The following CPNE4 variants were observed in gnomAD, a reference collection of about 807,000 sequenced individuals.
CPNE4 encodes the protein copine 4, also known as copine-4.
A neutral mutation model predicts 67.9 loss-of-function variants in CPNE4; 25 were observed. The ratio of observed to expected loss-of-function variants is 0.37; its 90% CI spans 0.27 to 0.51. The LOEUF is 0.51. Ranked by LOEUF, CPNE4 falls within the 20% of genes least tolerant of loss-of-function variation. CPNE4 has a pLI of 0.93. For missense variants in CPNE4, 464 were observed against 690.8 expected (o/e 0.67, Z 3.68); for synonymous variants, 242 against 244.9 (o/e 0.99, Z 0.11).
chr3:132,033,815 A>G (rs1366723394), intron 1 of CPNE4, among the ~76,000 whole-genome samples: 2 of 152,008 alleles, frequency 1.3e-5, no homozygotes, highest in African/African-American at 2.4e-5. Context: ...AATTATCTCC[A>G]TTGGATTCAG....
Position 131,620,941 on chromosome 3 carries a change from G to A in CPNE4, c.682-33359C>T, listed in dbSNP as rs554774802. Among the ~76,000 whole-genome samples, 567 of 152,240 alleles carry A rather than the reference G, an allele frequency of 3.7e-3. 3 individuals are homozygous for A. Among genetic ancestry groups the A allele is most frequent in the African/African-American group, 0.012 (518 of 41,536 alleles). ...TTCATTGCTTTAAGCCACCAATTTT[G>A]TGGTAATTTTGTTACAGTAGCAATA... On this transcript the variant is annotated intron_variant, in intron 7 of 15. Transcript: ENST00000429747.
intron 1 of CPNE4, among the ~76,000 whole-genome samples, chr3:131,945,512 T>C (rs1286143408): frequency 6.6e-6 from 1 of 152,180 alleles, no homozygotes; most frequent in Non-Finnish European, 1.5e-5. Flanking sequence ...AGAACTCCTT[T>C]GATGAGCAGT....
At chr3:132,006,179 C>A (rs994909273) in intron 1 of CPNE4, among the ~76,000 whole-genome samples, 1 of 152,012 alleles carries the variant, frequency 6.6e-6, no homozygotes, top group Non-Finnish European at 1.5e-5. Flanking sequence ...AGGAAAGTGG[C>A]CCCTCACTGA....
intron 2 of CPNE4, among the ~76,000 whole-genome samples, chr3:131,821,014 C>G (rs564594573): frequency 1.3e-5 from 2 of 152,122 alleles, no homozygotes; most frequent in African/African-American, 4.8e-5. Flanking sequence ...ACATATCTTG[C>G]CAACTCACTT....
intron 2 of CPNE4, among the ~76,000 whole-genome samples, chr3:131,739,773 G>A (rs76917346): frequency 0.017 from 2,549 of 152,286 alleles, 58 homozygotes; most frequent in East Asian, 0.059. Flanking sequence ...TACTTTATAG[G>A]TGAGGAACCT....
rs2088326255 is a variant in CPNE4 at position 131,896,217 on chromosome 3, T to C, written c.180+9047A>G. Among the ~76,000 whole-genome samples, 3 of 152,040 alleles carry C rather than the reference T, an allele frequency of 2.0e-5. No individual in the cohort carries two copies. The South Asian group carries it at 6.2e-4, about 31-fold the overall frequency. ...TGAAATATTATACAATCATTTAAAA[T>C]GAGGTTTATGACTAATTTTGATAAT... On this transcript the variant is annotated intron_variant, in intron 2 of 15. Coordinates refer to ENST00000429747, the MANE Select transcript of CPNE4 (RefSeq NM_130808.3).
At chr3:131,953,384 G>A (rs2926815) in intron 1 of CPNE4, among the ~76,000 whole-genome samples, 12,085 of 151,838 alleles carry the variant, frequency 0.08, 624 homozygotes, top group Admixed American at 0.16. Context: ...TTATGCGGAA[G>A]TATATTTCTT....
At chr3:131,725,722 T>C (rs1359129668) in intron 2 of CPNE4, among the ~76,000 whole-genome samples, 3 of 152,248 alleles carry the variant, frequency 2.0e-5, no homozygotes, top group African/African-American at 7.2e-5. Context: ...TTATTTGTCC[T>C]ACTCAAAGTA....
chr3:131,854,656 A>G (rs549566365), intron 2 of CPNE4, among the ~76,000 whole-genome samples: 21 of 152,014 alleles, frequency 1.4e-4, no homozygotes, highest in Middle Eastern at 3.4e-3. Flanking sequence ...TACATTATCC[A>G]TTCTATTACC....
At chr3:131,801,374 T>TATATATATATGTACC (rs2084103740) in intron 2 of CPNE4, among the ~76,000 whole-genome samples, 1 of 99,744 alleles carries the variant, frequency 1.0e-5, no homozygotes, top group African/African-American at 4.0e-5. Context: ...ATATGTACCA[T>TATATATATATGTACC]ATATATATAT....
intron 8 of CPNE4, among the ~76,000 whole-genome samples, chr3:131,585,849 C>G (rs571181903): frequency 6.6e-6 from 1 of 152,234 alleles, no homozygotes; most frequent in Non-Finnish European, 1.5e-5. Flanking sequence ...CTCTGAAACT[C>G]TGCATCCTGG....
chr3:131,664,809 C>A (rs547609608), intron 7 of CPNE4, among the ~76,000 whole-genome samples: 221 of 152,064 alleles, frequency 1.5e-3, no homozygotes, highest in African/African-American at 5.2e-3. Flanking sequence ...CTCTAATATG[C>A]TTTAGAAATA....
At chr3:132,001,606 A>AGAAG (rs1382454628) in intron 1 of CPNE4, among the ~76,000 whole-genome samples, 1 of 150,498 alleles carries the variant, frequency 6.6e-6, no homozygotes, top group East Asian at 1.9e-4. Context: ...AAAGAAAGAA[A>AGAAG]GAAAGAAAGA....
At chr3:131,892,411 C>T (rs2088151698) in intron 2 of CPNE4, among the ~76,000 whole-genome samples, 1 of 152,052 alleles carries the variant, frequency 6.6e-6, no homozygotes, top group African/African-American at 2.4e-5. Context: ...CACCAGTAGA[C>T]CAGCCTTACA....
intron 1 of CPNE4, among the ~76,000 whole-genome samples, chr3:131,944,560 G>T (rs1583489910): frequency 6.6e-6 from 1 of 151,936 alleles, no homozygotes; most frequent in East Asian, 1.9e-4. Context: ...TATCTGCCAT[G>T]ACACCAACAA....
chr3:131,989,202 T>A (rs1003149678), intron 1 of CPNE4, among the ~76,000 whole-genome samples: 1 of 152,216 alleles, frequency 6.6e-6, no homozygotes, highest in Non-Finnish European at 1.5e-5. Flanking sequence ...CAGACCTGGA[T>A]GCATTATTGC....
At chr3:132,011,563 C>T (rs766176555) in intron 1 of CPNE4, among the ~76,000 whole-genome samples, 17 of 152,162 alleles carry the variant, frequency 1.1e-4, no homozygotes, top group Non-Finnish European at 2.1e-4. Flanking sequence ...AAACCCTAAT[C>T]GCCTAGTTCA....
At chr3:131,787,393 G>A (rs1300716403) in intron 2 of CPNE4, among the ~76,000 whole-genome samples, 1 of 152,174 alleles carries the variant, frequency 6.6e-6, no homozygotes, top group Non-Finnish European at 1.5e-5. Flanking sequence ...CCAACCTGGT[G>A]GGGAGCTCTG....
At chr3:131,762,814 G>A (rs769799129) in intron 2 of CPNE4, among the ~76,000 whole-genome samples, 8 of 151,812 alleles carry the variant, frequency 5.3e-5, no homozygotes, top group East Asian at 1.9e-4. Context: ...ATTATTTTAC[G>A]GATATCATGA....
Sources: allele counts gnomAD v4.1 joint callset (sites outside exome capture counted in the v4.1 genomes callset), GRCh38; gene constraint gnomAD v4.1.1; transcripts MANE v1.5; gene names NCBI Gene and HGNC (gene_info 2026-07-23, HGNC 2026-07-21).